COL27A1: variants seen among roughly 807,000 people sequenced by gnomAD.
The protein encoded by COL27A1 is collagen type XXVII alpha 1 chain.
COL27A1 carries 106 observed loss-of-function variants against 251.3 expected under a neutral mutation model. That is an observed-to-expected ratio of 0.42 (90% CI 0.36 to 0.50). The LOEUF (loss-of-function observed/expected upper bound fraction) is 0.50, where lower values mean the gene tolerates loss of function less well. Ranked by LOEUF, COL27A1 falls within the 20% of genes least tolerant of loss-of-function variation. COL27A1 has a pLI of 0.00. For missense variants in COL27A1, 2,325 were observed against 2,522.8 expected, an observed-to-expected ratio of 0.92 and a Z score of 1.68; for synonymous variants, 1,000 against 986.3, an observed-to-expected ratio of 1.01 and a Z score of -0.26.
chr9:114,295,000 CA>C (rs1319343373), intron 49 of COL27A1, among the ~76,000 whole-genome samples: 1 of 152,198 alleles, frequency 6.6e-6, no homozygotes, highest in African/African-American at 2.4e-5. Context: ...GACACCATAT[CA>C]ATATGCACAA....
chr9:114,255,792 C>A (rs1248054804), intron 27 of COL27A1, among the ~76,000 whole-genome samples: 1 of 152,212 alleles, frequency 6.6e-6, no homozygotes, highest in Non-Finnish European at 1.5e-5. Context: ...ACTGGGGAAG[C>A]CGGCTAGCTC....
In COL27A1 at chr9:114,264,391, G is replaced by C. The variant is rs1449772796; in HGVS notation, c.3232G>C (p.Gly1078Arg). 1.3e-6 allele frequency: 2 copies of C among 1,594,040 alleles called. No homozygotes were observed. Among genetic ancestry groups the C allele is most frequent in the South Asian group, 2.3e-5 (2 of 87,618 alleles). ...RGPDGPAGEQ[G>R]SRGLKGPPGP... ...ACCGGACGGACCAGCTGGGGAGCAA[G>C]GGTCCAGGGGCCTGAAGGTACCGAC... The change falls in exon 29 of 61, where the codon GGG becomes CGG. Residue 1078 changes from glycine to arginine, a missense_variant. Physicochemically the swap from Gly to Arg is moderately radical, Grantham distance 125. Around this residue, in one of 4 missense-constraint regions of COL27A1, gnomAD observed 662 missense variants for 795.3 expected, o/e 0.83. Transcript: ENST00000356083.
At position 114,301,683 on chromosome 9, in the gene COL27A1, G is replaced by T; in HGVS notation, c.4811G>T (p.Gly1604Val). The change falls in exon 55 of 61, where the codon GGT (glycine) becomes GTT (valine). Residue 1604 changes from glycine (G) to valine (V), a missense_variant and splice_region_variant. Gly to Val is a moderately radical substitution (Grantham distance 109). Coordinates refer to ENST00000356083, the MANE Select transcript of COL27A1 (RefSeq NM_032888.4). ...ACTCTTCTTCTCTTGTTCCCCCAGG[G>T]TCCTCCCGGCCCCAGAGGGCGGCCC... ...RGDWGLQGPR[G>V]PPGPRGRPGP... is the part of the protein sequence containing the mutation. The T allele has an allele frequency of 6.2e-7, 1 of 1,610,636 alleles. No individual in the cohort carries two copies. Among genetic ancestry groups the T allele is most frequent in the Non-Finnish European group, 8.5e-7 (1 of 1,178,610 alleles).
Position 114,168,950 on chromosome 9 carries a change from C to T in COL27A1, c.1395C>T (p.Thr465=). 6.2e-7 allele frequency: 1 copy of T among 1,614,128 alleles called. No homozygotes were observed. Among genetic ancestry groups the T allele is most frequent in the Non-Finnish European group, 8.5e-7 (1 of 1,180,036 alleles). The change falls in exon 3 of 61, where the codon ACC becomes ACT. Residue 465 remains threonine, a synonymous_variant. Coordinates refer to ENST00000356083, the MANE Select transcript of COL27A1 (RefSeq NM_032888.4). ...PTLARTEAKI[T]SHASKPASAR... ...TAGCTCGGACTGAGGCCAAGATAAC[C>T]AGCCATGCCAGTAAGCCGGCCTCTG...
chr9:114,163,874 G>A (rs891752105), intron 2 of COL27A1, among the ~76,000 whole-genome samples: 4 of 148,222 alleles, frequency 2.7e-5, no homozygotes, highest in Admixed American at 2.0e-4. Context: ...CGGGGGGAGA[G>A]GCTGGAGCTG....
At chr9:114,228,757 C>T (rs867759887) in intron 14 of COL27A1, among the ~76,000 whole-genome samples, 5 of 152,172 alleles carry the variant, frequency 3.3e-5, no homozygotes, top group East Asian at 1.9e-4. Context: ...TATTATCACC[C>T]GTTAAACTGA....
rs148932110 is a variant in COL27A1, at chr9:114,227,158, C to T, written c.2467-3921C>T. Among the ~76,000 whole-genome samples, 636 of 152,242 alleles carry T rather than the reference C, an allele frequency of 4.2e-3. 2 individuals carry two copies. Among genetic ancestry groups the T allele is most frequent in the Middle Eastern group, 0.014 (4 of 294 alleles). On this transcript the variant is annotated intron_variant, in intron 14 of 60. Coordinates refer to ENST00000356083, the MANE Select transcript of COL27A1 (RefSeq NM_032888.4). ...GAAGGTGAGATGTGTGAGCAACCAT[C>T]ATGAAGGATGGGCACCAGCCGTTCC...
chr9:114,231,848 C>T lies in COL27A1; in HGVS notation c.2547C>T (p.Pro849=), dbSNP rs144760825. Reference sequence around the variant, plus strand: ...GACTGATGGGCAGCGTGGGGGAGCCCGGACTGAAAGGTGATAAGGTGATCT... The same window carrying T: ...GACTGATGGGCAGCGTGGGGGAGCCTGGACTGAAAGGTGATAAGGTGATCT... ...MKGLMGSVGE[P]GLKGDKGEQG... Residue 849 remains proline (P), a synonymous_variant, in exon 16 of 61, where the codon CCC becomes CCT. Transcript: ENST00000356083. 7.4e-5 allele frequency: 119 copies of T among 1,614,022 alleles called. No homozygotes were observed. The highest frequency in any genetic ancestry group is 8.8e-5 in the Non-Finnish European group (104 of 1,180,020).
At chr9:114,288,622 G>GAGGTC in intron 42 of COL27A1, 80 bp from the exon 43 acceptor site, 1 of 1,561,050 alleles carries the variant, frequency 6.4e-7, no homozygotes, top group Non-Finnish European at 8.7e-7. Flanking sequence ...GAGCTCCGCA[G>GAGGTC]AGGTCGCGGC....
At chr9:114,288,646 G>A in intron 42 of COL27A1, 56 bp from the exon 43 acceptor site, 1 of 1,586,004 alleles carries the variant, frequency 6.3e-7, no homozygotes, top group East Asian at 2.3e-5. Context: ...CAGGGCCCAG[G>A]GCTGGCATCC....
intron 1 of COL27A1, among the ~76,000 whole-genome samples, chr9:114,157,084 A>ACC (rs1848170497): frequency 8.1e-6 from 1 of 123,232 alleles, no homozygotes; most frequent in Non-Finnish European, 1.8e-5. Flanking sequence ...CAACACACAC[A>ACC]CACACACACA....
In COL27A1 at chr9:114,171,145, CTT is replaced by C. The variant is rs770152859; in HGVS notation, c.1908+1684_1908+1685del. Among the ~76,000 whole-genome samples the C allele has an allele frequency of 2.6e-4, 40 of 152,296 alleles. No homozygotes were observed. In the Middle Eastern group the frequency reaches 0.01, roughly 39 times the overall value. ...GGAAGCGAGGCCTCCTTCCAAATCT[CTT>C]TGAAAAAGAGGAGGCACTGAAATGA... On this transcript the variant is annotated intron_variant, in intron 3 of 60. Coordinates refer to ENST00000356083, the MANE Select transcript of COL27A1 (RefSeq NM_032888.4).
intron 1 of COL27A1, among the ~76,000 whole-genome samples, chr9:114,159,010 A>T (rs1001455955): frequency 6.6e-6 from 1 of 152,210 alleles, no homozygotes; most frequent in African/African-American, 2.4e-5. Context: ...CCCCTAGATG[A>T]TCTTAAATGG....
chr9:114,239,053 G>A (rs1832581945), intron 19 of COL27A1, among the ~76,000 whole-genome samples: 1 of 152,216 alleles, frequency 6.6e-6, no homozygotes, highest in South Asian at 2.1e-4. Context: ...GGCTGACTCT[G>A]TAGCCGAGAG....
intron 31 of COL27A1, 24 bp from the exon 32 acceptor site, chr9:114,265,398 G>A (rs2135596515): frequency 1.9e-6 from 3 of 1,612,260 alleles, no homozygotes; most frequent in East Asian, 2.2e-5. Context: ...AGGGCCTAAG[G>A]TCACCTTTAC....
intron 27 of COL27A1, among the ~76,000 whole-genome samples, chr9:114,254,543 G>T (rs1340704509): frequency 6.6e-6 from 1 of 152,134 alleles, no homozygotes; most frequent in Non-Finnish European, 1.5e-5. Context: ...GGGAGGGTGT[G>T]GGGGTAGAGG....
chr9:114,275,050 A>G (rs1276939478), intron 36 of COL27A1, among the ~76,000 whole-genome samples: 1 of 134,788 alleles, frequency 7.4e-6, no homozygotes, highest in Admixed American at 7.4e-5. Context: ...ATGGTCTCCA[A>G]CTGCTGGGCT....
chr9:114,283,716 C>T lies in COL27A1; in HGVS notation c.3887C>T (p.Pro1296Leu), dbSNP rs772475329. Residue 1296 changes from proline to leucine, a missense_variant, in exon 40 of 61, where the codon CCG (proline) becomes CTG (leucine). Pro to Leu is a moderately conservative substitution (Grantham distance 98). Coordinates refer to ENST00000356083, the MANE Select transcript of COL27A1 (RefSeq NM_032888.4). ...SRGSLGPTGAPGRMGAQGEPG... is the reference protein window; with the variant it reads ...SRGSLGPTGALGRMGAQGEPG... ...GGTCTCCTCCTCTTGTAGGGTGCTC[C>T]GGGACGCATGGGGGCCCAAGGAGAA... 2.4e-5 allele frequency: 38 copies of T among 1,613,880 alleles called. No homozygotes were observed. The highest frequency in any genetic ancestry group is 3.3e-5 in the South Asian group (3 of 91,078).
intron 43 of COL27A1, 63 bp downstream of exon 43, chr9:114,288,818 C>T: frequency 6.2e-7 from 1 of 1,600,788 alleles, no homozygotes. Flanking sequence ...GGGGATGACA[C>T]ATGTCTAGAA....
Sources: allele counts gnomAD v4.1 joint callset (sites outside exome capture counted in the v4.1 genomes callset), GRCh38; gene constraint gnomAD v4.1.1; regional missense constraint gnomAD v4.1.1; transcripts MANE v1.5; gene names NCBI Gene and HGNC (gene_info 2026-07-23, HGNC 2026-07-21).